NOTCH2: variants seen among roughly 807,000 people sequenced by gnomAD.
NOTCH2 encodes notch receptor 2, also known as neurogenic locus notch homolog protein 2.
NOTCH2 carries 29 observed loss-of-function variants against 235.8 expected under a neutral mutation model. The observed-to-expected ratio is 0.12, with a 90% confidence interval of 0.09 to 0.17. The LOEUF is 0.17. Among genes scored for constraint, NOTCH2 ranks in the 10% least tolerant of loss-of-function variants. NOTCH2 has a pLI of 1.00. For missense variants in NOTCH2, 2,285 were observed against 3,150.2 expected, an observed-to-expected ratio of 0.73 and a Z score of 6.57; for synonymous variants, 1,086 against 1,141.5, an observed-to-expected ratio of 0.95 and a Z score of 0.98.
At position 119,941,533 on chromosome 1, in the gene NOTCH2, T is replaced by G; in HGVS notation, c.2974A>C (p.Thr992Pro). The change falls in exon 18 of 34, where the codon ACT becomes CCT. Residue 992 changes from threonine (T) to proline (P), a missense_variant. Thr to Pro is a conservative substitution (Grantham distance 38). Transcript: ENST00000256646. ...VHCENNINEC[T>P]ESSCFNGGTC... ...GAGGGACTGGTTGCTCACCTCTCAG[T>G]GCACTCATTGATGTTGTTCTCACAA... The G allele has an allele frequency of 6.2e-7, 1 of 1,612,010 alleles. No homozygotes were observed. Among genetic ancestry groups the G allele is most frequent in the Non-Finnish European group, 8.5e-7 (1 of 1,178,192 alleles).
chr1:119,959,589 A>T, intron 11 of NOTCH2, 87 bp from the exon 12 acceptor site: 1 of 790,754 alleles, frequency 1.3e-6, no homozygotes, highest in Non-Finnish European at 2.2e-6. Flanking sequence ...CGTGGTAAGA[A>T]ATCTAAGGTG....
intron 2 of NOTCH2, among the ~76,000 whole-genome samples, chr1:120,016,024 TA>T (rs1469824654): frequency 1.6e-5 from 2 of 126,676 alleles, no homozygotes; most frequent in South Asian, 2.9e-4. Flanking sequence ...AAAAGAACTT[TA>T]AAAAAAAGTA....
chr1:119,945,104 G>T (rs587616975), intron 17 of NOTCH2, among the ~76,000 whole-genome samples: 1 of 152,170 alleles, frequency 6.6e-6, no homozygotes, highest in Admixed American at 6.5e-5. Context: ...AAATGTGAGT[G>T]TACAGCTCTT....
chr1:119,955,183 G>A lies in NOTCH2; in HGVS notation c.2076C>T (p.Arg692=), dbSNP rs782398571. 6.2e-7 allele frequency: 1 copy of A among 1,614,030 alleles called. No homozygotes were observed. The highest frequency in any genetic ancestry group is 2.2e-5 in the East Asian group (1 of 44,874). The change falls in exon 13 of 34, where the codon CGC becomes CGT. Residue 692 remains arginine, a synonymous_variant. Transcript: ENST00000256646. ...DIDECASNPC[R]KGATCINGVN... The stretch of plus-strand genomic sequence containing the variant: ...CACCGTTGATACATGTTGCACCCTT[G>A]CGACAGGGATTGGAGGCACACTCAT...
At position 119,967,628 on chromosome 1, in the gene NOTCH2, G is replaced by A; in HGVS notation, c.1265-7C>T. Reference sequence around the variant, plus strand: ...TCACAAGGATTGCTATTGGCTGAAAGACACAAGTACCAATTACTGGGATCA... The same window carrying A: ...TCACAAGGATTGCTATTGGCTGAAAAACACAAGTACCAATTACTGGGATCA... On this transcript the variant is annotated splice_polypyrimidine_tract_variant and splice_region_variant and intron_variant, in intron 7 of 33. Coordinates refer to ENST00000256646, the MANE Select transcript of NOTCH2 (RefSeq NM_024408.4). 6.2e-7 allele frequency: 1 copy of A among 1,613,732 alleles called. No individual in the cohort carries two copies. Among genetic ancestry groups the A allele is most frequent in the Non-Finnish European group, 8.5e-7 (1 of 1,179,666 alleles).
intron 31 of NOTCH2, 92 bp from the exon 32 acceptor site, chr1:119,918,645 T>C (rs1649168624): frequency 1.5e-6 from 2 of 1,299,982 alleles, no homozygotes; most frequent in Non-Finnish European, 2.2e-6. Flanking sequence ...GAGCTGAGGC[T>C]ACAGTGTAGA....
At chr1:119,974,688 T>C (rs1315616216) in intron 5 of NOTCH2, among the ~76,000 whole-genome samples, 4 of 152,204 alleles carry the variant, frequency 2.6e-5, no homozygotes, top group African/African-American at 9.7e-5. Flanking sequence ...TCTGTCCACC[T>C]GAAACATTTT....
chr1:120,011,338 G>C lies in NOTCH2; in HGVS notation c.156-5750C>G, dbSNP rs587623601. 3.2e-3 allele frequency among the ~76,000 whole-genome samples: 483 copies of C among 152,054 alleles called. 1 individual carries two copies. The highest frequency in any genetic ancestry group is 0.011 in the African/African-American group (465 of 41,508). On this transcript the variant is annotated intron_variant, in intron 2 of 33. Transcript: ENST00000256646. Reference sequence around the variant, plus strand: ...ATTTCCAGGTTATCTCTACCCTCTAGAACAAAAAAGAACAAGCCTTCTGCT... The same window carrying C: ...ATTTCCAGGTTATCTCTACCCTCTACAACAAAAAAGAACAAGCCTTCTGCT...
chr1:120,069,642 G>A lies in NOTCH2; in HGVS notation c.-236C>T, dbSNP rs587659286. The A allele has an allele frequency of 5.8e-6, 8 of 1,389,914 alleles. No homozygotes were observed. The highest frequency in any genetic ancestry group is 1.6e-5 in the South Asian group (1 of 64,338). 86.1% of individuals were successfully genotyped at this position (1,389,914 alleles called of 1,614,324 possible). A position where few individuals can be genotyped will look rare whatever the true frequency, so the allele number is the denominator to read the frequency against. On this transcript the variant is annotated 5_prime_UTR_variant, in exon 1 of 34. Coordinates refer to ENST00000256646, the MANE Select transcript of NOTCH2 (RefSeq NM_024408.4). ...CCCGAAGTTTGGCTGAAACTTTCTCGGGTGTGCAACGAAGCAGCCTCGTGT... is the reference window on the plus strand; with the variant it reads ...CCCGAAGTTTGGCTGAAACTTTCTCAGGTGTGCAACGAAGCAGCCTCGTGT...
intron 5 of NOTCH2, among the ~76,000 whole-genome samples, chr1:119,971,367 GA>G (rs1444093375): frequency 6.6e-6 from 1 of 152,190 alleles, no homozygotes; most frequent in Non-Finnish European, 1.5e-5. Flanking sequence ...GTCTTTACAT[GA>G]TCAAACCCTC....
At chr1:120,047,399 G>A (rs1654824193) in intron 1 of NOTCH2, among the ~76,000 whole-genome samples, 1 of 66,200 alleles carries the variant, frequency 1.5e-5, no homozygotes, top group Admixed American at 1.5e-4. Context: ...TCAGACATCT[G>A]GCCTGGCACA....
Position 119,912,424 on chromosome 1 carries a change from T to C in NOTCH2, c.*2882A>G, listed in dbSNP as rs993091907. The C allele has an allele frequency of 1.4e-4, 32 of 233,238 alleles. No individual in the cohort carries two copies. The East Asian group carries it at 1.9e-3, about 14-fold the overall frequency. 14.4% of individuals were successfully genotyped at this position (233,238 alleles called of 1,614,324 possible). ...TTCTTTATTATGCAAAAATTACAAA[T>C]TGGCAAATTCAATAAGAGGATGCAA... is the stretch of plus-strand genomic sequence containing the variant. On this transcript the variant is annotated 3_prime_UTR_variant, in exon 34 of 34. Transcript: ENST00000256646.
At chr1:120,063,991 T>C (rs1438862937) in intron 1 of NOTCH2, among the ~76,000 whole-genome samples, 1 of 152,042 alleles carries the variant, frequency 6.6e-6, no homozygotes, top group Non-Finnish European at 1.5e-5. Flanking sequence ...TCACTGGGTT[T>C]GACTCCTTTT....
rs781906436 is a variant in NOTCH2 at position 119,937,981 on chromosome 1, T to A, written c.3213A>T (p.Pro1071=). The change falls in exon 20 of 34, where the codon CCA becomes CCT. Residue 1071 remains proline, a synonymous_variant. Transcript: ENST00000256646. The part of the protein sequence containing the change: ...QTLVNLCSRS[P]CKNKGTCVQK... The stretch of plus-strand genomic sequence containing the variant: ...GAACGCAAGTACCTTTGTTTTTACA[T>A]GGAGACCGACTGCAGAGATTCACCA... 17 of 1,614,174 alleles carry A rather than the reference T, an allele frequency of 1.1e-5. No individual in the cohort carries two copies. Among genetic ancestry groups the A allele is most frequent in the Non-Finnish European group, 1.4e-5 (17 of 1,180,034 alleles).
chr1:119,950,688 T>A lies in NOTCH2; in HGVS notation c.2479+36A>T, dbSNP rs868966121. ...GGCACTGACAAAGCAAGGTCAAGTA[T>A]CCCCTCTGGTCCCTGCTGGTACCTC... On this transcript the variant is annotated intron_variant, in intron 15 of 33. Transcript: ENST00000256646. The A allele has an allele frequency of 9.8e-6, 13 of 1,320,632 alleles. No homozygotes were observed. The Middle Eastern group carries it at 2.4e-3, about 240-fold the overall frequency. 81.8% of individuals were successfully genotyped at this position (1,320,632 alleles called of 1,614,324 possible).
chr1:119,965,420 T>A, intron 10 of NOTCH2, 33 bp downstream of exon 10: 1 of 1,523,570 alleles, frequency 6.6e-7, no homozygotes, highest in Non-Finnish European at 9.1e-7. Flanking sequence ...CAGATGGACC[T>A]ACCAAGGAGA....
At chr1:119,929,344 G>T in intron 22 of NOTCH2, 132 bp from the exon 23 acceptor site, 1 of 754,604 alleles carries the variant, frequency 1.3e-6, no homozygotes, top group Non-Finnish European at 2.4e-6. Context: ...GGACCTTGTA[G>T]TTGGGCAGGG....
intron 10 of NOTCH2, among the ~76,000 whole-genome samples, chr1:119,964,424 C>T (rs371451206): frequency 1.3e-5 from 2 of 152,146 alleles, no homozygotes; most frequent in African/African-American, 4.8e-5. Flanking sequence ...GTCCTCCCCC[C>T]ACTTTTAAAC....
intron 2 of NOTCH2, among the ~76,000 whole-genome samples, chr1:120,026,028 T>C (rs587595150): frequency 1.4e-5 from 2 of 140,524 alleles, no homozygotes; most frequent in African/African-American, 3.0e-5. Context: ...ACAGCAATAA[T>C]TGAGTTTTAT....
Sources: allele counts gnomAD v4.1 joint callset (sites outside exome capture counted in the v4.1 genomes callset), GRCh38; gene constraint gnomAD v4.1.1; transcripts MANE v1.5; gene names NCBI Gene and HGNC (gene_info 2026-07-23, HGNC 2026-07-21).